The following NMI variants were observed in gnomAD, a reference collection of about 807,000 sequenced individuals.
The protein encoded by NMI is N-myc-interactor.
Under a neutral mutation model 34.3 loss-of-function variants are expected in NMI, and 39 were observed. That is an observed-to-expected ratio of 1.14 (90% confidence interval 0.88 to 1.49). The LOEUF (loss-of-function observed/expected upper bound fraction) is 1.49, where lower values mean the gene tolerates loss of function less well. NMI is among the 40% of genes most tolerant of loss of function. The pLI is 0.00. For missense variants in NMI, 339 were observed against 358.1 expected, an observed-to-expected ratio of 0.95 and a Z score of 0.43; for synonymous variants, 113 against 120.3, an observed-to-expected ratio of 0.94 and a Z score of 0.40.
At chr2:151,288,050 C>A (rs1385311273) in intron 1 of NMI, among the ~76,000 whole-genome samples, 1 of 152,176 alleles carries the variant, frequency 6.6e-6, no homozygotes, top group Admixed American at 6.5e-5. Context: ...GCATCTTTTG[C>A]ATCTGGATAC....
chr2:151,284,415 C>G (rs1683458941), intron 1 of NMI, among the ~76,000 whole-genome samples: 1 of 152,126 alleles, frequency 6.6e-6, no homozygotes, highest in African/African-American at 2.4e-5. Flanking sequence ...CCTCCCACCT[C>G]AGCCCCCCAA....
chr2:151,285,645 A>C (rs1252349134), intron 1 of NMI, among the ~76,000 whole-genome samples: 1 of 152,022 alleles, frequency 6.6e-6, no homozygotes, highest in Non-Finnish European at 1.5e-5. Flanking sequence ...ATACAAATAC[A>C]TATATACCCT....
chr2:151,282,777 A>G (rs1573747080), intron 2 of NMI, 91 bp downstream of exon 2: 2 of 631,892 alleles, frequency 3.2e-6, no homozygotes, highest in East Asian at 6.8e-5. Context: ...AATTCAAGGT[A>G]ATGTTGGACA....
chr2:151,282,116 A>G (rs999020719), intron 2 of NMI, 73 bp from the exon 3 acceptor site: 2 of 692,610 alleles, frequency 2.9e-6, no homozygotes, highest in South Asian at 3.5e-5. Context: ...ACTAAAGACT[A>G]TAAATTTCTC....
In NMI at chr2:151,278,931, A is replaced by T; in HGVS notation, c.237T>A (p.Asn79Lys). The T allele has an allele frequency of 6.2e-7, 1 of 1,612,170 alleles. No individual in the cohort carries two copies. Among genetic ancestry groups the T allele is most frequent in the Admixed American group, 1.7e-5 (1 of 60,016 alleles). ...MKFLSVETPE[N>K]DSQLSNISCS... ...AGGAGATATTTGACAACTGGCTGTCATTCTCAGGAGTTTCAACTGATAAGA... is the reference window on the plus strand; with the variant it reads ...AGGAGATATTTGACAACTGGCTGTCTTTCTCAGGAGTTTCAACTGATAAGA... The change falls in exon 4 of 8, where the codon AAT becomes AAA. Residue 79 changes from asparagine to lysine, a missense_variant. Coordinates refer to ENST00000243346, the MANE Select transcript of NMI (RefSeq NM_004688.3).
At chr2:151,276,915 G>A (rs1395108607) in intron 4 of NMI, among the ~76,000 whole-genome samples, 1 of 152,160 alleles carries the variant, frequency 6.6e-6, no homozygotes, top group African/African-American at 2.4e-5. Flanking sequence ...AATGGGAGAG[G>A]TTTAGTAAAA....
chr2:151,282,997 C>T (rs754607687), intron 1 of NMI, 43 bp from the exon 2 acceptor site: 3 of 948,094 alleles, frequency 3.2e-6, no homozygotes, highest in Non-Finnish European at 4.6e-6. Flanking sequence ...AGCATATATA[C>T]ACAAATTTAA....
At chr2:151,284,899 C>A (rs888958525) in intron 1 of NMI, among the ~76,000 whole-genome samples, 1 of 152,150 alleles carries the variant, frequency 6.6e-6, no homozygotes, top group Non-Finnish European at 1.5e-5. Flanking sequence ...AAAAACTTAG[C>A]TATGTCTTAG....
chr2:151,287,724 A>T (rs1460177124), intron 1 of NMI, among the ~76,000 whole-genome samples: 8 of 152,198 alleles, frequency 5.3e-5, no homozygotes, highest in Non-Finnish European at 1.0e-4. Context: ...TTTCCGTGAC[A>T]CATCAGTAAA....
intron 1 of NMI, among the ~76,000 whole-genome samples, chr2:151,288,107 A>G (rs558178021): frequency 1.3e-5 from 2 of 152,314 alleles, no homozygotes; most frequent in African/African-American, 4.8e-5. Flanking sequence ...CTTTTATGCA[A>G]TCATGTAGTA....
chr2:151,288,584 T>TGC (rs1246730682), intron 1 of NMI, among the ~76,000 whole-genome samples: 20 of 149,166 alleles, frequency 1.3e-4, no homozygotes, highest in African/African-American at 4.5e-4. Flanking sequence ...TGTGTGTGTG[T>TGC]GTGCGCGCGC....
At chr2:151,278,459 T>C in intron 4 of NMI, 1 of 180,770 alleles carries the variant, frequency 5.5e-6, no homozygotes, top group Non-Finnish European at 1.2e-5. Flanking sequence ...TATCCTCCTA[T>C]ATTTATGGAA....
At chr2:151,282,265 G>A (rs1426868832) in intron 2 of NMI, among the ~76,000 whole-genome samples, 2 of 152,074 alleles carry the variant, frequency 1.3e-5, no homozygotes, top group Admixed American at 1.3e-4. Flanking sequence ...TATAAATCAG[G>A]AAACCACCTT....
intron 4 of NMI, 39 bp downstream of exon 4, chr2:151,278,789 T>C (rs768194433): frequency 1.4e-5 from 22 of 1,523,220 alleles, no homozygotes; most frequent in Non-Finnish European, 1.9e-5. Flanking sequence ...GAAAGTGCTT[T>C]CCAAATAACA....
chr2:151,289,197 GAGCCGAGATCGCGCCACTGCACTCC>G (rs1440442569), intron 1 of NMI: 1 of 139,970 alleles, frequency 7.1e-6, no homozygotes, highest in African/African-American at 2.6e-5. Flanking sequence ...AGCTTGCAGT[GAGCCGAGATCGCGCCACTGCACTCC>G]AGCCTGAGCG....
chr2:151,288,278 G>T (rs1370779458), intron 1 of NMI, among the ~76,000 whole-genome samples: 1 of 152,204 alleles, frequency 6.6e-6, no homozygotes, highest in African/African-American at 2.4e-5. Context: ...ATCTGTGGGA[G>T]CCCAGTGTAA....
intron 3 of NMI, among the ~76,000 whole-genome samples, chr2:151,280,653 CGA>C (rs1197337356): frequency 6.6e-6 from 1 of 152,140 alleles, no homozygotes; most frequent in Non-Finnish European, 1.5e-5. Flanking sequence ...CAAAGTGGGT[CGA>C]CTAGGGCTGG....
intron 3 of NMI, 127 bp downstream of exon 3, chr2:151,281,821 C>G (rs539465273): frequency 1.5e-6 from 1 of 650,214 alleles, no homozygotes; most frequent in Non-Finnish European, 2.7e-6. Flanking sequence ...CCATTTTGAA[C>G]TATTACAAAT....
At chr2:151,286,714 T>C (rs1053558030) in intron 1 of NMI, among the ~76,000 whole-genome samples, 8 of 152,242 alleles carry the variant, frequency 5.3e-5, no homozygotes, top group African/African-American at 1.7e-4. Flanking sequence ...AACCACTGTC[T>C]GTTCTGCAAG....
Sources: allele counts gnomAD v4.1 joint callset (sites outside exome capture counted in the v4.1 genomes callset), GRCh38; gene constraint gnomAD v4.1.1; transcripts MANE v1.5; gene names NCBI Gene and HGNC (gene_info 2026-07-23, HGNC 2026-07-21).